Variants in WWOX observed in about 807,000 individuals in gnomAD.
WWOX encodes WW domain containing oxidoreductase, also known as WW domain-containing oxidoreductase.
A neutral mutation model predicts 46.2 loss-of-function variants in WWOX; 69 were observed. The ratio of observed to expected loss-of-function variants is 1.49; its 90% CI spans 1.23 to 1.82. WWOX has a LOEUF of 1.82. Ranked by LOEUF, WWOX falls within the 40% of genes most tolerant of loss-of-function variation. The probability of loss-of-function intolerance (pLI) is 0.00; values close to 1 mark genes in which losing one functional copy is unlikely to be tolerated. For synonymous variants in WWOX, 359 were observed against 202.6 expected, an observed-to-expected ratio of 1.77 and a Z score of -6.56; for missense variants, 919 against 542.6, an observed-to-expected ratio of 1.69 and a Z score of -6.89.
intron 8 of WWOX, among the ~76,000 whole-genome samples, chr16:79,147,679 C>T (rs1412982781): frequency 6.6e-6 from 1 of 152,160 alleles, no homozygotes; most frequent in East Asian, 1.9e-4. Flanking sequence ...CAAGCTGTTT[C>T]CATGCTATTT....
At chr16:78,671,588 C>G (rs893841510) in intron 8 of WWOX, among the ~76,000 whole-genome samples, 1 of 152,144 alleles carries the variant, frequency 6.6e-6, no homozygotes, top group Admixed American at 6.6e-5. Flanking sequence ...CCGGTACTCT[C>G]AGAGCCCTGA....
chr16:79,065,321 A>T (rs540616368), intron 8 of WWOX, among the ~76,000 whole-genome samples: 23 of 152,342 alleles, frequency 1.5e-4, no homozygotes, highest in Middle Eastern at 3.4e-3. Flanking sequence ...ACAGGAGTTT[A>T]TTATTACCCA....
intron 8 of WWOX, among the ~76,000 whole-genome samples, chr16:78,978,605 A>G (rs992718781): frequency 3.9e-5 from 6 of 152,172 alleles, no homozygotes; most frequent in African/African-American, 1.4e-4. Context: ...GAAGCATAGA[A>G]GCTTCTGCTA....
At chr16:78,753,761 C>T (rs1334202999) in intron 8 of WWOX, among the ~76,000 whole-genome samples, 2 of 133,542 alleles carry the variant, frequency 1.5e-5, no homozygotes, top group African/African-American at 5.8e-5. Context: ...AAGATCACAC[C>T]ACTGCAGTCA....
chr16:78,476,951 T>C (rs1198035606), intron 8 of WWOX, among the ~76,000 whole-genome samples: 6 of 152,082 alleles, frequency 3.9e-5, no homozygotes, highest in Admixed American at 3.3e-4. Context: ...GTTCCCTCTT[T>C]CCTCTTTTTC....
At chr16:79,032,639 A>G (rs886781930) in intron 8 of WWOX, among the ~76,000 whole-genome samples, 1 of 146,136 alleles carries the variant, frequency 6.8e-6, no homozygotes, top group Non-Finnish European at 1.5e-5. Flanking sequence ...TAATATATGT[A>G]ATAGAGCGTG....
At chr16:78,981,417 A>C (rs779582546) in intron 8 of WWOX, among the ~76,000 whole-genome samples, 2 of 150,614 alleles carry the variant, frequency 1.3e-5, no homozygotes, top group Non-Finnish European at 2.9e-5. Flanking sequence ...TATCACATCC[A>C]GGATGATGTT....
At chr16:78,695,730 C>T (rs1210218091) in intron 8 of WWOX, among the ~76,000 whole-genome samples, 1 of 152,158 alleles carries the variant, frequency 6.6e-6, no homozygotes, top group Non-Finnish European at 1.5e-5. Context: ...GCCAAGAGAA[C>T]CAAGAGCCAG....
At chr16:78,795,676 A>C (rs1289550818) in intron 8 of WWOX, among the ~76,000 whole-genome samples, 1 of 152,200 alleles carries the variant, frequency 6.6e-6, no homozygotes, top group Non-Finnish European at 1.5e-5. Context: ...TAACATACAC[A>C]GTCAGCATTG....
Position 78,975,063 on chromosome 16 carries a change from G to T in WWOX, c.1057-236545G>T, listed in dbSNP as rs143721799. ...AGGCCTTCACTATTGTCAAGGCTGG[G>T]CCCCTGCTTTTGCCTTGTTACTCTG... On this transcript the variant is annotated intron_variant, in intron 8 of 8. Coordinates refer to ENST00000566780, the MANE Select transcript of WWOX (RefSeq NM_016373.4). Among the ~76,000 whole-genome samples the T allele has an allele frequency of 7.4e-4, 112 of 152,286 alleles. 1 individual carries two copies. The highest frequency in any genetic ancestry group is 1.2e-3 in the Admixed American group (18 of 15,300).
chr16:78,544,297 A>G (rs2043969248), intron 8 of WWOX, among the ~76,000 whole-genome samples: 1 of 152,212 alleles, frequency 6.6e-6, no homozygotes, highest in South Asian at 2.1e-4. Flanking sequence ...ATTATTAATA[A>G]AATCCAACTC....
chr16:78,375,165 C>T (rs2151924819), intron 5 of WWOX, among the ~76,000 whole-genome samples: 1 of 152,220 alleles, frequency 6.6e-6, no homozygotes, highest in East Asian at 1.9e-4. Flanking sequence ...TCTTTCGATT[C>T]ATCTGTAAAG....
At chr16:78,467,995 G>T (rs188570404) in intron 8 of WWOX, among the ~76,000 whole-genome samples, 1 of 152,178 alleles carries the variant, frequency 6.6e-6, no homozygotes, top group Admixed American at 6.5e-5. Context: ...GGGGATGGGG[G>T]GTTCCACTGG....
chr16:78,149,319 T>C (rs1206238944), intron 4 of WWOX, among the ~76,000 whole-genome samples: 1 of 152,202 alleles, frequency 6.6e-6, no homozygotes, highest in African/African-American at 2.4e-5. Context: ...AAGTCTATAA[T>C]TGTAAACTAT....
chr16:78,766,655 C>A (rs115960634), intron 8 of WWOX, among the ~76,000 whole-genome samples: 1 of 152,138 alleles, frequency 6.6e-6, no homozygotes, highest in Non-Finnish European at 1.5e-5. Context: ...GTTTTTAAGA[C>A]AAGGAATTCA....
chr16:78,452,180 C>G (rs59151437), intron 8 of WWOX, among the ~76,000 whole-genome samples: 2,428 of 152,302 alleles, frequency 0.016, 64 homozygotes, highest in African/African-American at 0.055. Flanking sequence ...GTAACTTTAT[C>G]TTGATCTGTA....
At chr16:78,190,531 A>T (rs543134310) in intron 5 of WWOX, among the ~76,000 whole-genome samples, 3 of 152,170 alleles carry the variant, frequency 2.0e-5, no homozygotes, top group Admixed American at 2.0e-4. Flanking sequence ...GACCGACCCC[A>T]TGATGGCTAC....
At chr16:78,480,880 C>T (rs1212110769) in intron 8 of WWOX, among the ~76,000 whole-genome samples, 2 of 152,186 alleles carry the variant, frequency 1.3e-5, no homozygotes, top group Non-Finnish European at 2.9e-5. Flanking sequence ...AAGCAACCGT[C>T]ACAGAATGAA....
intron 4 of WWOX, among the ~76,000 whole-genome samples, chr16:78,140,901 T>A (rs2033963232): frequency 6.6e-6 from 1 of 152,170 alleles, no homozygotes; most frequent in African/African-American, 2.4e-5. Context: ...TGCATAGCAA[T>A]CATTCAACAA....
Sources: allele counts gnomAD v4.1 joint callset (sites outside exome capture counted in the v4.1 genomes callset), GRCh38; gene constraint gnomAD v4.1.1; transcripts MANE v1.5; gene names NCBI Gene and HGNC (gene_info 2026-07-23, HGNC 2026-07-21).